The following TMCC1 variants were observed in gnomAD, a reference collection of about 807,000 sequenced individuals.
TMCC1 encodes transmembrane and coiled-coil domains protein 1.
TMCC1 carries 15 observed loss-of-function variants against 52.4 expected under a neutral mutation model. That is an observed-to-expected ratio of 0.29 (90% confidence interval 0.19 to 0.44). The LOEUF (loss-of-function observed/expected upper bound fraction) is 0.44. Ranked by LOEUF, TMCC1 falls within the 20% of genes least tolerant of loss-of-function variation. The probability of loss-of-function intolerance (pLI) is 1.00; values close to 1 mark genes in which losing one functional copy is unlikely to be tolerated. For synonymous variants in TMCC1, 279 were observed against 301.9 expected, an observed-to-expected ratio of 0.92 and a Z score of 0.79; for missense variants, 503 against 806.0, an observed-to-expected ratio of 0.62 and a Z score of 4.55.
At chr3:129,800,438 T>C (rs1323962068) in intron 4 of TMCC1, among the ~76,000 whole-genome samples, 1 of 152,142 alleles carries the variant, frequency 6.6e-6, no homozygotes, top group Non-Finnish European at 1.5e-5. Context: ...TTTACACTCT[T>C]ACAATAATGT....
At chr3:129,826,338 CAA>C (rs63640963) in intron 4 of TMCC1, among the ~76,000 whole-genome samples, 31 of 88,984 alleles carry the variant, frequency 3.5e-4, no homozygotes, top group East Asian at 5.0e-4. Flanking sequence ...CTCCTCTCTA[CAA>C]AAAAAAAAAA....
chr3:129,840,134 C>T (rs1436052214), intron 2 of TMCC1, among the ~76,000 whole-genome samples: 1 of 151,372 alleles, frequency 6.6e-6, no homozygotes, highest in East Asian at 1.9e-4. Flanking sequence ...CCAAGACTAC[C>T]CTGGGCAACA....
intron 2 of TMCC1, among the ~76,000 whole-genome samples, chr3:129,858,075 A>T (rs1315192749): frequency 6.6e-6 from 1 of 152,122 alleles, no homozygotes; most frequent in African/African-American, 2.4e-5. Context: ...TACAATGCTA[A>T]CACAACTTTC....
chr3:129,746,925 C>A (rs2052030719), intron 4 of TMCC1, among the ~76,000 whole-genome samples: 1 of 152,144 alleles, frequency 6.6e-6, no homozygotes, highest in African/African-American at 2.4e-5. Flanking sequence ...CATTGGGCAA[C>A]CTTTTTAATC....
chr3:129,746,379 C>T (rs1234010771), intron 4 of TMCC1, among the ~76,000 whole-genome samples: 1 of 151,094 alleles, frequency 6.6e-6, no homozygotes, highest in Non-Finnish European at 1.5e-5. Context: ...CGGGGTTTCA[C>T]CATGTTGGCC....
chr3:129,792,292 G>A (rs2056528374), intron 4 of TMCC1, among the ~76,000 whole-genome samples: 1 of 151,770 alleles, frequency 6.6e-6, no homozygotes, highest in Non-Finnish European at 1.5e-5. Flanking sequence ...CAGGTCCCTG[G>A]CTCTCAGGTA....
intron 4 of TMCC1, among the ~76,000 whole-genome samples, chr3:129,682,922 G>A (rs964418995): frequency 2.0e-5 from 3 of 152,092 alleles, no homozygotes; most frequent in South Asian, 2.1e-4. Flanking sequence ...CGCAATCTCC[G>A]CCTCCCGGGT....
rs908333351 is a variant in TMCC1 at position 129,871,365 on chromosome 3, CA to C, written c.-184+8943del. ...TAGGCAACAGAGTGAGACGCTGTCTCAAAAAAAAAAAAAAAAAAAAAAGAAT... is the reference window on the plus strand; with the variant it reads ...TAGGCAACAGAGTGAGACGCTGTCTCAAAAAAAAAAAAAAAAAAAAAGAAT... On this transcript the variant is annotated intron_variant, in intron 2 of 6. Transcript: ENST00000393238. Among the ~76,000 whole-genome samples the C allele has an allele frequency of 4.0e-3, 197 of 49,842 alleles. 1 individual carries two copies. Among genetic ancestry groups the C allele is most frequent in the East Asian group, 0.027 (46 of 1,710 alleles). The allele number at this position is 49,842 out of a possible 152,430, so 32.7% of individuals were successfully genotyped here.
intron 4 of TMCC1, among the ~76,000 whole-genome samples, chr3:129,779,242 A>C (rs1008591750): frequency 4.6e-5 from 7 of 152,176 alleles, no homozygotes; most frequent in African/African-American, 7.2e-5. Context: ...CTTAGATTTT[A>C]CTTCTAGTCA....
intron 4 of TMCC1, among the ~76,000 whole-genome samples, chr3:129,682,515 G>A (rs1222898262): frequency 6.6e-5 from 10 of 152,022 alleles, no homozygotes; most frequent in Non-Finnish European, 1.5e-4. Flanking sequence ...TCAGTCCCCT[G>A]CCTCCCTGAG....
At chr3:129,667,676 T>G (rs2087577706) in intron 5 of TMCC1, among the ~76,000 whole-genome samples, 1 of 152,230 alleles carries the variant, frequency 6.6e-6, no homozygotes, top group Non-Finnish European at 1.5e-5. Flanking sequence ...CCTAAATGGC[T>G]TGAACTTAAT....
chr3:129,851,178 C>T (rs2059902230), intron 2 of TMCC1, among the ~76,000 whole-genome samples: 1 of 152,196 alleles, frequency 6.6e-6, no homozygotes, highest in South Asian at 2.1e-4. Context: ...AATCAGTACA[C>T]AGCCAGAGTC....
At chr3:129,818,859 G>A (rs1186029096) in intron 4 of TMCC1, 1 of 152,388 alleles carries the variant, frequency 6.6e-6, no homozygotes, top group African/African-American at 2.4e-5. Flanking sequence ...GAAGCACATG[G>A]TATCAGTGTT....
chr3:129,865,063 T>TG (rs906598441), intron 2 of TMCC1, among the ~76,000 whole-genome samples: 9 of 152,208 alleles, frequency 5.9e-5, no homozygotes, highest in African/African-American at 2.2e-4. Flanking sequence ...AGAGCCATGA[T>TG]GGGAAACCTG....
chr3:129,671,117 G>A lies in TMCC1; in HGVS notation c.724C>T (p.Leu242=), dbSNP rs151066777. The A allele has an allele frequency of 5.0e-6, 8 of 1,614,194 alleles. No individual in the cohort carries two copies. The East Asian group carries it at 1.8e-4, about 36-fold the overall frequency. ...ATCTTGATTTGTTCTGTGAGCTTCA[G>A]GATCTTCTGCTGCAGGTGAGCAATG... is the stretch of plus-strand genomic sequence containing the variant. The part of the protein sequence containing the change: ...AAIAHLQQKI[L]KLTEQIKIAQ... The change falls in exon 5 of 7, where the codon CTG becomes TTG. Residue 242 remains leucine, a synonymous_variant. Coordinates refer to ENST00000393238, the MANE Select transcript of TMCC1 (RefSeq NM_001017395.5).
chr3:129,769,207 T>C (rs1197929943), intron 4 of TMCC1, among the ~76,000 whole-genome samples: 1 of 152,192 alleles, frequency 6.6e-6, no homozygotes, highest in African/African-American at 2.4e-5. Context: ...AAACACAAAT[T>C]CATAAAGTTT....
At chr3:129,848,723 G>A (rs905985999) in intron 2 of TMCC1, among the ~76,000 whole-genome samples, 2 of 152,196 alleles carry the variant, frequency 1.3e-5, no homozygotes, top group African/African-American at 2.4e-5. Context: ...AACCTCAAAT[G>A]AGCATTTGAT....
intron 4 of TMCC1, among the ~76,000 whole-genome samples, chr3:129,744,540 C>T (rs2051754097): frequency 6.6e-6 from 1 of 152,132 alleles, no homozygotes; most frequent in Non-Finnish European, 1.5e-5. Flanking sequence ...CCCACCTCAG[C>T]CTCTCAAGCA....
chr3:129,766,567 T>C (rs1281031165), intron 4 of TMCC1, among the ~76,000 whole-genome samples: 1 of 152,210 alleles, frequency 6.6e-6, no homozygotes, highest in Non-Finnish European at 1.5e-5. Flanking sequence ...CAAATGGTTA[T>C]TTAGATTGTA....
Sources: gnomAD v4.1 joint callset for allele counts (sites outside exome capture counted in the v4.1 genomes callset) on GRCh38, gnomAD v4.1.1 for gene constraint, MANE v1.5 for transcripts, NCBI Gene and HGNC (gene_info 2026-07-23, HGNC 2026-07-21) for gene names.